Variants in SMG6 observed in about 807,000 individuals in gnomAD.
SMG6 encodes the protein telomerase-binding protein EST1A.
A neutral mutation model predicts 142.2 loss-of-function variants in SMG6; 66 were observed. The observed-to-expected ratio is 0.46, with a 90% confidence interval of 0.38 to 0.57. The LOEUF (loss-of-function observed/expected upper bound fraction) is 0.57. Among genes scored for constraint, SMG6 ranks in the 20% least tolerant of loss-of-function variants. The pLI is 0.00. For synonymous variants in SMG6, 779 were observed against 702.4 expected, an observed-to-expected ratio of 1.11 and a Z score of -1.72; for missense variants, 1,793 against 1,832.0, an observed-to-expected ratio of 0.98 and a Z score of 0.39.
chr17:2,095,635 C>T lies in SMG6; in HGVS notation c.3358-9734G>A, dbSNP rs371140845. Among the ~76,000 whole-genome samples, 289 of 152,256 alleles carry T rather than the reference C, an allele frequency of 1.9e-3. 2 individuals are homozygous for T. The highest frequency in any genetic ancestry group is 6.6e-3 in the African/African-American group (276 of 41,542). ...AGACCCCCTGCATCAAGAGAGCACGCGCCCCTCCCCGGCTGCCATGACCTG... is the reference window on the plus strand; with the variant it reads ...AGACCCCCTGCATCAAGAGAGCACGTGCCCCTCCCCGGCTGCCATGACCTG... On this transcript the variant is annotated intron_variant, in intron 13 of 18. Transcript: ENST00000263073.
chr17:2,098,556 A>G (rs1298631982), intron 13 of SMG6, among the ~76,000 whole-genome samples: 1 of 151,962 alleles, frequency 6.6e-6, no homozygotes, highest in South Asian at 2.1e-4. Context: ...CCCCATTGCA[A>G]CCTATTAAGT....
At chr17:2,212,551 T>C (rs1326979159) in intron 10 of SMG6, 1 of 152,188 alleles carries the variant, frequency 6.6e-6, no homozygotes, top group Non-Finnish European at 1.5e-5. Flanking sequence ...ACCAAAAATA[T>C]TCTTTGGTAA....
At chr17:2,191,488 T>C (rs2072161692) in intron 10 of SMG6, among the ~76,000 whole-genome samples, 1 of 152,352 alleles carries the variant, frequency 6.6e-6, no homozygotes, top group South Asian at 2.1e-4. Flanking sequence ...CCTGGGTTCC[T>C]CTGGCTTTGT....
intron 13 of SMG6, among the ~76,000 whole-genome samples, chr17:2,093,931 G>C (rs1432416771): frequency 1.3e-5 from 2 of 151,988 alleles, no homozygotes; most frequent in African/African-American, 4.8e-5. Flanking sequence ...ATTTTATTCA[G>C]AACTAAGGTG....
At chr17:2,106,382 G>T (rs188116307) in intron 13 of SMG6, among the ~76,000 whole-genome samples, 12 of 152,304 alleles carry the variant, frequency 7.9e-5, no homozygotes, top group Admixed American at 2.0e-4. Flanking sequence ...AATAAAGGAA[G>T]GGAGGGGGGT....
At chr17:2,141,889 C>A (rs2070491946) in intron 13 of SMG6, among the ~76,000 whole-genome samples, 1 of 152,172 alleles carries the variant, frequency 6.6e-6, no homozygotes, top group African/African-American at 2.4e-5. Context: ...GCTTTTAACT[C>A]CATGGTTCCT....
intron 15 of SMG6, among the ~76,000 whole-genome samples, 189 bp downstream of exon 15, chr17:2,081,621 G>A (rs2068426381): frequency 6.6e-6 from 1 of 152,164 alleles, no homozygotes; most frequent in Admixed American, 6.5e-5. Flanking sequence ...CCCAGGATGA[G>A]GGAGACTCTA....
At position 2,230,376 on chromosome 17, in the gene SMG6, G is replaced by A. The variant is rs138738845; in HGVS notation, c.2869+6116C>T. Among the ~76,000 whole-genome samples, 93 of 120,394 alleles carry A rather than the reference G, an allele frequency of 7.7e-4. 2 individuals are homozygous for A. The East Asian group carries it at 9.0e-3, about 12-fold the overall frequency. 79.0% of individuals were successfully genotyped at this position (120,394 alleles called of 152,430 possible). ...CAATCAAATTGACAAGCTATAAAAC[G>A]GCAAAAGAAACGAAATCTGGGCAAC... On this transcript the variant is annotated intron_variant, in intron 10 of 18. Transcript: ENST00000263073.
rs1306243114 is a variant in SMG6, at chr17:2,116,864, C to T, written c.3358-30963G>A. 2.7e-5 allele frequency among the ~76,000 whole-genome samples: 4 copies of T among 150,040 alleles called. No individual in the cohort carries two copies. In the South Asian group the frequency reaches 8.4e-4, roughly 31 times the overall value. On this transcript the variant is annotated intron_variant, in intron 13 of 18. Coordinates refer to ENST00000263073, the MANE Select transcript of SMG6 (RefSeq NM_017575.5). ...TGGAAAAAAAAAACACCCTATAAATCAGTAAGAAAAAAGACAAAGAATCCA... is the reference window on the plus strand; with the variant it reads ...TGGAAAAAAAAAACACCCTATAAATTAGTAAGAAAAAAGACAAAGAATCCA...
rs1403007203 is a variant in SMG6, at chr17:2,297,245, T to C, written c.2149A>G (p.Thr717Ala). 1.9e-6 allele frequency: 3 copies of C among 1,597,070 alleles called. No homozygotes were observed. The highest frequency in any genetic ancestry group is 3.6e-5 in the Admixed American group (2 of 55,490). Residue 717 changes from threonine to alanine, a missense_variant and splice_region_variant, in exon 4 of 19, where the codon ACA becomes GCA. Thr to Ala is a moderately conservative substitution (Grantham distance 58). Coordinates refer to ENST00000263073, the MANE Select transcript of SMG6 (RefSeq NM_017575.5). ...LAIRSKPLRK[T>A]VKYALISAQR... ...GATACATAAAGAAGGTAGCTTACTG[T>C]CTTGCGTAATGGCTTGCTGCGAATG...
At chr17:2,201,401 T>C (rs1296496904) in intron 10 of SMG6, among the ~76,000 whole-genome samples, 1 of 152,280 alleles carries the variant, frequency 6.6e-6, no homozygotes, top group African/African-American at 2.4e-5. Flanking sequence ...GCTTTAACAA[T>C]GTTAAATGAG....
chr17:2,085,788 T>G lies in SMG6; in HGVS notation c.3471A>C (p.Ala1157=). 6 of 1,614,094 alleles carry G rather than the reference T, an allele frequency of 3.7e-6. No homozygotes were observed. Among genetic ancestry groups the G allele is most frequent in the Non-Finnish European group, 5.1e-6 (6 of 1,179,990 alleles). ...CCTTTCCCATGGTGTCTGGGACGGG[T>G]GCCACTGACACATACTTTCCACCCT... ...AFKGGKYVSV[A]PVPDTMGKEM... The change falls in exon 14 of 19, where the codon GCA becomes GCC. Residue 1157 remains alanine (A), a synonymous_variant. Coordinates refer to ENST00000263073, the MANE Select transcript of SMG6 (RefSeq NM_017575.5). The surrounding 1 kb of genome is among the most constrained non-coding windows in gnomAD (Gnocchi z 4.1).
At chr17:2,147,935 T>C (rs369122053) in intron 13 of SMG6, among the ~76,000 whole-genome samples, 3 of 152,136 alleles carry the variant, frequency 2.0e-5, no homozygotes. Context: ...CCTCACGCCT[T>C]AAATCCCAGT....
chr17:2,176,301 A>G (rs1053015254), intron 12 of SMG6, among the ~76,000 whole-genome samples: 9 of 152,302 alleles, frequency 5.9e-5, no homozygotes, highest in East Asian at 1.9e-4. Flanking sequence ...CTTAGGCCCT[A>G]TGGATTCAAG....
At chr17:2,088,208 C>G in intron 13 of SMG6, 2 of 985,414 alleles carry the variant, frequency 2.0e-6, no homozygotes, top group Non-Finnish European at 1.2e-6. Context: ...GCTGCTAGAG[C>G]ACGGGCTACA....
chr17:2,063,153 C>T (rs954774777), intron 18 of SMG6: 1 of 152,204 alleles, frequency 6.6e-6, no homozygotes, highest in African/African-American at 2.4e-5. Flanking sequence ...CTTAGGTCAG[C>T]TAACCAAGGC....
rs528337301 is a variant in SMG6, at chr17:2,079,322, A to G, written c.3681+2488T>C. On this transcript the variant is annotated intron_variant, in intron 15 of 18. Transcript: ENST00000263073. Reference sequence around the variant, plus strand: ...ACTGCTGGGTTGAGAGTCAAGAAATAACGGTAGAAACAGAATTTCTGGGAA... The same window carrying G: ...ACTGCTGGGTTGAGAGTCAAGAAATGACGGTAGAAACAGAATTTCTGGGAA... 2.6e-5 allele frequency among the ~76,000 whole-genome samples: 4 copies of G among 152,342 alleles called. No individual in the cohort carries two copies. In the South Asian group the frequency reaches 8.3e-4, roughly 32 times the overall value.
At chr17:2,252,123 AAAG>A (rs991855915) in intron 8 of SMG6, among the ~76,000 whole-genome samples, 4 of 151,176 alleles carry the variant, frequency 2.6e-5, no homozygotes, top group African/African-American at 9.8e-5. Context: ...AAAAAAAAGA[AAAG>A]AAGGAGGCCG....
rs2068594905 is a variant in SMG6, at chr17:2,087,436, G to A, written c.3358-1535C>T. The A allele has an allele frequency of 7.9e-6, 9 of 1,139,222 alleles. No individual in the cohort carries two copies. In the South Asian group the frequency reaches 1.1e-4, roughly 14 times the overall value. 70.6% of individuals were successfully genotyped at this position (1,139,222 alleles called of 1,614,324 possible). A position where few individuals can be genotyped will look rare whatever the true frequency, so the allele number is the denominator to read the frequency against. On this transcript the variant is annotated intron_variant, in intron 13 of 18. Transcript: ENST00000263073. The stretch of plus-strand genomic sequence containing the variant: ...AAAAGCCAACCCCGCTTTCCTACAC[G>A]GTCTAGGAGTGTTCTCTGCTTTCTC...
Sources: gnomAD v4.1 joint callset for allele counts (sites outside exome capture counted in the v4.1 genomes callset) on GRCh38, gnomAD v4.1.1 for gene constraint, Gnocchi (gnomAD v3.1) non-coding constraint, MANE v1.5 for transcripts, NCBI Gene and HGNC (gene_info 2026-07-23, HGNC 2026-07-21) for gene names.